Variants in GALNT18 observed in about 807,000 individuals in gnomAD.
GALNT18 encodes the protein polypeptide N-acetylgalactosaminyltransferase 18.
In GALNT18, 44 loss-of-function variants were observed where a neutral mutation model predicts 69.5. The observed-to-expected ratio is 0.63, with a 90% CI of 0.50 to 0.81. The LOEUF (loss-of-function observed/expected upper bound fraction) is 0.81, where lower values mean the gene tolerates loss of function less well. GALNT18 is among the 40% of genes least tolerant of loss of function. GALNT18 has a pLI of 0.00. For synonymous variants in GALNT18, 364 were observed against 318.2 expected, an observed-to-expected ratio of 1.14 and a Z score of -1.53; for missense variants, 715 against 810.0, an observed-to-expected ratio of 0.88 and a Z score of 1.42.
chr11:11,487,031 T>C (rs1856660197), intron 1 of GALNT18, among the ~76,000 whole-genome samples: 1 of 152,208 alleles, frequency 6.6e-6, no homozygotes, highest in Non-Finnish European at 1.5e-5. Flanking sequence ...TAAGTAAATA[T>C]GCCCCCAAAC....
intron 9 of GALNT18, among the ~76,000 whole-genome samples, chr11:11,303,302 C>A (rs1235053065): frequency 1.3e-5 from 2 of 152,140 alleles, no homozygotes; most frequent in East Asian, 1.9e-4. Flanking sequence ...TCCAGAAATC[C>A]CCAGCAGCAC....
chr11:11,536,133 T>C (rs1857767464), intron 1 of GALNT18, among the ~76,000 whole-genome samples: 1 of 152,180 alleles, frequency 6.6e-6, no homozygotes, highest in African/African-American at 2.4e-5. Context: ...GGAAATGACA[T>C]GAAATTATCA....
At chr11:11,354,204 C>T (rs555114925) in intron 6 of GALNT18, among the ~76,000 whole-genome samples, 1 of 152,306 alleles carries the variant, frequency 6.6e-6, no homozygotes, top group African/African-American at 2.4e-5. Context: ...CGATAGCAAA[C>T]TCTCATTTAA....
Position 11,435,335 on chromosome 11 carries a change from C to A in GALNT18, c.429-2548G>T, listed in dbSNP as rs999027161. 1.3e-5 allele frequency among the ~76,000 whole-genome samples: 2 copies of A among 152,172 alleles called. No homozygotes were observed. The highest frequency in any genetic ancestry group is 6.5e-5 in the Admixed American group (1 of 15,288). On this transcript the variant is annotated intron_variant, in intron 2 of 10. Coordinates refer to ENST00000227756, the MANE Select transcript of GALNT18 (RefSeq NM_198516.3). The surrounding 1 kb of genome is among the most constrained non-coding windows in gnomAD (Gnocchi z 4.4). ...CAATTTTAATTCCTCCCAGTAGCAG[C>A]CCTGATGGTTTGAGCTGCCAGTCTC...
chr11:11,398,573 C>T (rs1435703973), intron 3 of GALNT18, among the ~76,000 whole-genome samples: 1 of 152,200 alleles, frequency 6.6e-6, no homozygotes, highest in Admixed American at 6.5e-5. Context: ...CAGCTCTGCG[C>T]AATTAACTAC....
In GALNT18 at chr11:11,383,792, T is replaced by A. The variant is rs1309678196; in HGVS notation, c.596-4528A>T. Reference sequence around the variant, plus strand: ...TGATAGTGAGTGAGTTCTCATGAGATCTGATGGTTTAAGTGTGGCACTTCC... The same window carrying A: ...TGATAGTGAGTGAGTTCTCATGAGAACTGATGGTTTAAGTGTGGCACTTCC... On this transcript the variant is annotated intron_variant, in intron 3 of 10. Coordinates refer to ENST00000227756, the MANE Select transcript of GALNT18 (RefSeq NM_198516.3). The surrounding 1 kb of genome is among the most constrained non-coding windows in gnomAD (Gnocchi z 5.2). Among the ~76,000 whole-genome samples, 1 of 151,552 alleles carries A rather than the reference T, an allele frequency of 6.6e-6. No homozygotes were observed. The highest frequency in any genetic ancestry group is 1.5e-5 in the Non-Finnish European group (1 of 67,928).
Position 11,570,472 on chromosome 11 carries a change from C to T in GALNT18, c.235+50887G>A, listed in dbSNP as rs1858765583. On this transcript the variant is annotated intron_variant, in intron 1 of 10. Coordinates refer to ENST00000227756, the MANE Select transcript of GALNT18 (RefSeq NM_198516.3). ...CGGCCCCTGCCCTGCCCTTAACTGG[C>T]CTCCCTAGGTTTCTTGAACACACCA... 2.0e-5 allele frequency among the ~76,000 whole-genome samples: 3 copies of T among 152,362 alleles called. No individual in the cohort carries two copies. The South Asian group carries it at 6.2e-4, about 32-fold the overall frequency.
At position 11,333,096 on chromosome 11, in the gene GALNT18, A is replaced by G. The variant is rs142702461; in HGVS notation, c.1279-265T>C. Among the ~76,000 whole-genome samples, 94 of 152,008 alleles carry G rather than the reference A, an allele frequency of 6.2e-4. 2 individuals carry two copies. Among genetic ancestry groups the G allele is most frequent in the African/African-American group, 2.1e-3 (89 of 41,444 alleles). Reference sequence around the variant, plus strand: ...AAGATGCCAAATCCTTAAAGAAAAAAAAAAAAAGCTATAGTCTGGGTGTAG... The same window carrying G: ...AAGATGCCAAATCCTTAAAGAAAAAGAAAAAAAGCTATAGTCTGGGTGTAG... On this transcript the variant is annotated intron_variant, in intron 7 of 10. Transcript: ENST00000227756.
intron 9 of GALNT18, among the ~76,000 whole-genome samples, chr11:11,297,417 A>C (rs4075678): frequency 6.6e-6 from 1 of 152,036 alleles, no homozygotes; most frequent in Admixed American, 6.5e-5. Flanking sequence ...CAATGTTTCC[A>C]AAGTCGCACG....
Position 11,396,915 on chromosome 11 carries a change from A to G in GALNT18, c.596-17651T>C, listed in dbSNP as rs1182255885. The stretch of plus-strand genomic sequence containing the variant: ...TGCTGAGCTAACAACTTCCTCTCCC[A>G]GTGGCTGGAGAGAATGATGCCATAG... On this transcript the variant is annotated intron_variant, in intron 3 of 10. Coordinates refer to ENST00000227756, the MANE Select transcript of GALNT18 (RefSeq NM_198516.3). This position sits in a 1 kb window ranked among gnomAD's most constrained non-coding sequence, Gnocchi z 5.2. Among the ~76,000 whole-genome samples the G allele has an allele frequency of 6.6e-6, 1 of 152,088 alleles. No individual in the cohort carries two copies. Among genetic ancestry groups the G allele is most frequent in the African/African-American group, 2.4e-5 (1 of 41,412 alleles).
intron 10 of GALNT18, among the ~76,000 whole-genome samples, chr11:11,274,485 G>A (rs1452314259): frequency 6.6e-6 from 1 of 152,208 alleles, no homozygotes; most frequent in Non-Finnish European, 1.5e-5. Flanking sequence ...AGGTTGACCT[G>A]GGATGCTCAA....
rs1860165366 is a variant in GALNT18 at position 11,620,528 on chromosome 11, C to G, written c.235+831G>C. On this transcript the variant is annotated intron_variant, in intron 1 of 10. Transcript: ENST00000227756. This position sits in a 1 kb window ranked among gnomAD's most constrained non-coding sequence, Gnocchi z 6.9. ...ACTTCAGACCCAACCCAGGTCTGCT[C>G]AGCCCCGGCTGCTCCCAGGGCCTGA... Among the ~76,000 whole-genome samples, 1 of 152,142 alleles carries G rather than the reference C, an allele frequency of 6.6e-6. No individual in the cohort carries two copies. Among genetic ancestry groups the G allele is most frequent in the Non-Finnish European group, 1.5e-5 (1 of 68,040 alleles).
chr11:11,607,171 A>G (rs541745186), intron 1 of GALNT18, among the ~76,000 whole-genome samples: 6 of 152,384 alleles, frequency 3.9e-5, no homozygotes, highest in Admixed American at 3.9e-4. Context: ...GTGCTTCTAA[A>G]GTAATTACAA....
At chr11:11,516,764 C>T (rs1306393094) in intron 1 of GALNT18, among the ~76,000 whole-genome samples, 1 of 152,200 alleles carries the variant, frequency 6.6e-6, no homozygotes, top group Admixed American at 6.5e-5. Flanking sequence ...TGTGCTGGCA[C>T]ATAGTAGGTT....
chr11:11,325,968 G>A (rs983766460), intron 9 of GALNT18, among the ~76,000 whole-genome samples: 1 of 151,962 alleles, frequency 6.6e-6, no homozygotes, highest in African/African-American at 2.4e-5. Flanking sequence ...TGTGTGTTTC[G>A]GTAGGCAATA....
intron 1 of GALNT18, among the ~76,000 whole-genome samples, chr11:11,512,737 TG>T (rs1271738571): frequency 6.6e-6 from 1 of 152,212 alleles, no homozygotes; most frequent in African/African-American, 2.4e-5. Context: ...ACCTGAGGCC[TG>T]GGCTCGTTAT....
intron 6 of GALNT18, among the ~76,000 whole-genome samples, chr11:11,350,636 C>T (rs1276079999): frequency 6.6e-6 from 1 of 152,166 alleles, no homozygotes. Flanking sequence ...GCACCCCTTG[C>T]AGTCAGGAGG....
intron 9 of GALNT18, among the ~76,000 whole-genome samples, chr11:11,310,284 G>A (rs1849647627): frequency 6.6e-6 from 1 of 152,208 alleles, no homozygotes; most frequent in Admixed American, 6.5e-5. Context: ...GTGCGAGAAG[G>A]GGAACACTGG....
Position 11,621,509 on chromosome 11 carries a change from C to T in GALNT18, c.85G>A (p.Val29Met). Reference sequence around the variant, plus strand: ...GCGATGTAGTTGGTGACCCAGCCCACGTAGAGCAGGCAGATGATGTTAGTC... The same window carrying T: ...GCGATGTAGTTGGTGACCCAGCCCATGTAGAGCAGGCAGATGATGTTAGTC... Reference protein sequence around the residue: ...GMTNIICLLYVGWVTNYIASV... With the variant: ...GMTNIICLLYMGWVTNYIASV... The change falls in exon 1 of 11, where the codon GTG (valine) becomes ATG (methionine). Residue 29 changes from valine to methionine, a missense_variant. Val to Met is a conservative substitution (Grantham distance 21, BLOSUM62 1). Transcript: ENST00000227756. This position sits in a 1 kb window ranked among gnomAD's most constrained non-coding sequence, Gnocchi z 9.3. The T allele has an allele frequency of 6.2e-7, 1 of 1,614,146 alleles. No individual in the cohort carries two copies. Among genetic ancestry groups the T allele is most frequent in the South Asian group, 1.1e-5 (1 of 91,084 alleles).
Sources: gnomAD v4.1 joint callset for allele counts (sites outside exome capture counted in the v4.1 genomes callset) on GRCh38, gnomAD v4.1.1 for gene constraint, Gnocchi (gnomAD v3.1) non-coding constraint, MANE v1.5 for transcripts, NCBI Gene and HGNC (gene_info 2026-07-23, HGNC 2026-07-21) for gene names.